TEX11: variants seen among roughly 807,000 people sequenced by gnomAD.
TEX11 encodes testis expressed 11.
A neutral mutation model predicts 84.4 loss-of-function variants in TEX11; 7 were observed. The ratio of observed to expected loss-of-function variants is 0.08; its 90% CI spans 0.05 to 0.16. TEX11 has a LOEUF of 0.16. Among genes scored for constraint, TEX11 ranks in the 10% least tolerant of loss-of-function variants. The pLI, the probability that TEX11 is intolerant of heterozygous loss-of-function variation, is 1.00. For synonymous variants in TEX11, 264 were observed against 222.8 expected (o/e 1.18, Z -1.64); for missense variants, 551 against 660.5 (o/e 0.83, Z 1.82).
chrX:70,570,358 C>G (rs1444943425), intron 25 of TEX11, among the ~76,000 whole-genome samples: 2 of 112,309 alleles, frequency 1.8e-5, no homozygotes, highest in Non-Finnish European at 3.8e-5. Context: ...CTTGCACTTC[C>G]CAAGTGACGC....
At chrX:70,780,681 C>T (rs1042995568) in intron 9 of TEX11, among the ~76,000 whole-genome samples, 5 of 112,772 alleles carry the variant, frequency 4.4e-5, no homozygotes, top group African/African-American at 6.4e-5. Context: ...GGAGGGTCCC[C>T]GCCCATGGAG....
intron 9 of TEX11, among the ~76,000 whole-genome samples, chrX:70,779,531 A>G (rs986633458): frequency 1.8e-5 from 2 of 111,268 alleles, no homozygotes; most frequent in Non-Finnish European, 3.8e-5. Context: ...GCCCAAAGTT[A>G]ACAGGCAGAA....
chrX:70,812,429 G>A (rs112809829), intron 8 of TEX11, among the ~76,000 whole-genome samples: 13,895 of 110,000 alleles, frequency 0.13, 773 homozygotes, highest in Middle Eastern at 0.26. Context: ...GGATGGTCTC[G>A]ATCTCCTGAC....
chrX:70,857,354 A>G (rs1300052814), intron 5 of TEX11: 5 of 129,208 alleles, frequency 3.9e-5, no homozygotes, highest in African/African-American at 9.6e-5. Flanking sequence ...GCAAATTGAA[A>G]CAATTCTCAA....
intron 25 of TEX11, among the ~76,000 whole-genome samples, chrX:70,561,361 C>A (rs1181825840): frequency 9.6e-6 from 1 of 104,458 alleles, no homozygotes; most frequent in Non-Finnish European, 1.9e-5. Context: ...TATATATAAA[C>A]CTGTATCCAA....
At chrX:70,790,265 T>A (rs1211570672) in intron 9 of TEX11, among the ~76,000 whole-genome samples, 1 of 111,221 alleles carries the variant, frequency 9.0e-6, no homozygotes, top group Non-Finnish European at 1.9e-5. Context: ...TTCAAACACA[T>A]CTTTTGAGAG....
chrX:70,717,097 G>C (rs2090511449), intron 13 of TEX11, among the ~76,000 whole-genome samples: 1 of 109,659 alleles, frequency 9.1e-6, no homozygotes, highest in African/African-American at 3.3e-5. Context: ...ATATTACTAG[G>C]ATCTAATAAG....
chrX:70,767,659 G>T (rs1004919663), intron 9 of TEX11, among the ~76,000 whole-genome samples: 2 of 111,812 alleles, frequency 1.8e-5, no homozygotes, highest in Admixed American at 9.5e-5. Context: ...GTATATTGAA[G>T]AGATATCTGC....
At chrX:70,730,248 C>T (rs1315866951) in intron 11 of TEX11, among the ~76,000 whole-genome samples, 1 of 111,705 alleles carries the variant, frequency 9.0e-6, no homozygotes, top group East Asian at 2.8e-4. Context: ...CATCAACTAA[C>T]GGGCAAAATA....
At position 70,744,158 on chromosome X, in the gene TEX11, T is replaced by C. The variant is rs759076985; in HGVS notation, c.747+7A>G. On this transcript the variant is annotated splice_region_variant and intron_variant, in intron 10 of 29. Coordinates refer to ENST00000374333, the MANE Select transcript of TEX11 (RefSeq NM_031276.3). ...CCTATTTCTACAATATTTAACATGA[T>C]CCTTACCAGCATTTCTGGCCCAGTA... 1 of 1,043,689 alleles carries C rather than the reference T, an allele frequency of 9.6e-7. No individual in the cohort carries two copies. Among genetic ancestry groups the C allele is most frequent in the East Asian group, 3.7e-5 (1 of 27,382 alleles). The allele number at this position is 1,043,689 out of a possible 1,213,427, so 86.0% of individuals were successfully genotyped here.
intron 13 of TEX11, among the ~76,000 whole-genome samples, chrX:70,706,079 C>A (rs1038041164): frequency 1.8e-5 from 2 of 111,307 alleles, no homozygotes; most frequent in Non-Finnish European, 1.9e-5. Flanking sequence ...CAATGATAGA[C>A]TGGATTAAGA....
intron 8 of TEX11, among the ~76,000 whole-genome samples, chrX:70,811,473 C>A (rs1266297595): frequency 9.0e-6 from 1 of 111,505 alleles, no homozygotes; most frequent in Non-Finnish European, 1.9e-5. Flanking sequence ...GTGAATAGTG[C>A]CGCAATAAAC....
At chrX:70,872,999 G>T (rs181786804) in intron 4 of TEX11, among the ~76,000 whole-genome samples, 2 of 110,596 alleles carry the variant, frequency 1.8e-5, no homozygotes, top group East Asian at 5.7e-4. Flanking sequence ...TTCTTGCAGT[G>T]ATATCTTTAA....
At chrX:70,780,547 T>C (rs1722574109) in intron 9 of TEX11, among the ~76,000 whole-genome samples, 1 of 111,954 alleles carries the variant, frequency 8.9e-6, no homozygotes, top group Non-Finnish European at 1.9e-5. Context: ...GACTTCCCTT[T>C]CCTAGCCAAG....
intron 2 of TEX11, among the ~76,000 whole-genome samples, chrX:70,893,753 C>CA (rs2091751855): frequency 9.0e-6 from 1 of 111,144 alleles, no homozygotes; most frequent in Non-Finnish European, 1.9e-5. Context: ...GATAGAGACA[C>CA]AAAAAACCCT....
At chrX:70,735,980 G>A (rs13340763) in intron 11 of TEX11, among the ~76,000 whole-genome samples, 7,722 of 111,230 alleles carry the variant, frequency 0.069, 567 homozygotes, top group African/African-American at 0.21. Context: ...TTATTGAATA[G>A]TAAGAGTTCT....
intron 13 of TEX11, among the ~76,000 whole-genome samples, chrX:70,693,296 TA>T (rs773092377): frequency 8.9e-6 from 1 of 111,785 alleles, no homozygotes; most frequent in African/African-American, 3.3e-5. Context: ...TATCTTTTCT[TA>T]AAAAAAGTAT....
intron 20 of TEX11, 73 bp downstream of exon 20, chrX:70,623,877 A>G (rs1397454532): frequency 2.1e-6 from 2 of 949,668 alleles, no homozygotes; most frequent in East Asian, 6.5e-5. Context: ...GTATCTCTGA[A>G]TATATGATTT....
Position 70,554,755 on chromosome X carries a change from T to C in TEX11, c.2186A>G (p.Glu729Gly). 2.5e-6 allele frequency: 3 copies of C among 1,209,735 alleles called. No homozygotes were observed. Among genetic ancestry groups the C allele is most frequent in the Non-Finnish European group, 3.4e-6 (3 of 894,652 alleles). Residue 729 changes from glutamate (E) to glycine (G), a missense_variant, in exon 26 of 30, where the codon GAG (glutamate) becomes GGG (glycine). By Grantham distance (98) the Glu-to-Gly change is moderately conservative (BLOSUM62 -2). Transcript: ENST00000374333. The stretch of plus-strand genomic sequence containing the variant: ...ATTCAATTTGGCTCTAACTTCAAAC[T>C]CGTACAGCAGAAGCAATTTCTCACA... ...DSCEKLLLLY[E>G]FEVRAKLNDP... is the part of the protein sequence containing the mutation.
Sources: allele counts gnomAD v4.1 joint callset (sites outside exome capture counted in the v4.1 genomes callset), GRCh38; gene constraint gnomAD v4.1.1; transcripts MANE v1.5; gene names NCBI Gene and HGNC (gene_info 2026-07-23, HGNC 2026-07-21).